LHFPL1: variants seen among roughly 807,000 people sequenced by gnomAD.
LHFPL1 encodes LHFPL tetraspan subfamily member 1 protein.
LHFPL1 carries 4 observed loss-of-function variants against 12.1 expected under a neutral mutation model. The observed-to-expected ratio is 0.33, with a 90% CI of 0.16 to 0.76. The LOEUF is 0.76. Ranked by LOEUF, LHFPL1 falls within the 30% of genes least tolerant of loss-of-function variation. The probability of loss-of-function intolerance (pLI) is 0.61; values close to 1 mark genes in which losing one functional copy is unlikely to be tolerated. For synonymous variants in LHFPL1, 52 were observed against 61.9 expected (o/e 0.84, Z 0.75); for missense variants, 141 against 174.1 (o/e 0.81, Z 1.07).
chrX:112,678,430 G>A (rs771321630), intron 1 of LHFPL1, among the ~76,000 whole-genome samples: 5 of 111,811 alleles, frequency 4.5e-5, no homozygotes, highest in Non-Finnish European at 9.4e-5. Flanking sequence ...ACTCTCAGCT[G>A]GTTAGAAACT....
At chrX:112,639,290 C>A (rs750645268) in intron 3 of LHFPL1, among the ~76,000 whole-genome samples, 2 of 109,753 alleles carry the variant, frequency 1.8e-5, no homozygotes, top group Non-Finnish European at 3.8e-5. Flanking sequence ...ACTGAAGATT[C>A]CAGAAGCCTG....
intron 3 of LHFPL1, among the ~76,000 whole-genome samples, chrX:112,635,298 A>G (rs1930308028): frequency 8.9e-6 from 1 of 112,681 alleles, no homozygotes; most frequent in African/African-American, 3.2e-5. Context: ...TTCTCATAAC[A>G]GCCATGATTA....
chrX:112,669,995 T>C (rs903764545), intron 2 of LHFPL1, among the ~76,000 whole-genome samples: 1 of 111,635 alleles, frequency 9.0e-6, no homozygotes, highest in Non-Finnish European at 1.9e-5. Context: ...AAGTGAAGCA[T>C]AGGAAAAGTC....
chrX:112,660,239 C>T (rs1602684893), intron 3 of LHFPL1, among the ~76,000 whole-genome samples: 1 of 112,136 alleles, frequency 8.9e-6, no homozygotes, highest in East Asian at 2.8e-4. Flanking sequence ...TAAATAACCT[C>T]GTGTTACATC....
rs774097296 is a variant in LHFPL1 at position 112,660,844 on chromosome X, T to C, written c.383-119A>G. The C allele has an allele frequency of 4.8e-5, 24 of 494,925 alleles. No homozygotes were observed. In the South Asian group the frequency reaches 8.8e-4, roughly 18 times the overall value. The allele number at this position is 494,925 out of a possible 1,213,427, so 40.8% of individuals were successfully genotyped here. On this transcript the variant is annotated intron_variant, in intron 2 of 3. Coordinates refer to ENST00000371968, the MANE Select transcript of LHFPL1 (RefSeq NM_178175.4). The stretch of plus-strand genomic sequence containing the variant: ...CTCAACTGAGCTTACACTTCCCCCT[T>C]TACCCTAAATTTCTATGAGAGTACC...
At chrX:112,669,319 A>G (rs931630608) in intron 2 of LHFPL1, among the ~76,000 whole-genome samples, 2 of 112,527 alleles carry the variant, frequency 1.8e-5, no homozygotes, top group Non-Finnish European at 3.7e-5. Context: ...GGTAAGCCTA[A>G]GACCTATTTG....
intron 3 of LHFPL1, among the ~76,000 whole-genome samples, chrX:112,633,769 G>T (rs1001347047): frequency 8.9e-6 from 1 of 112,150 alleles, no homozygotes; most frequent in Non-Finnish European, 1.9e-5. Context: ...TATGAAAATA[G>T]TGCCTCTGAA....
chrX:112,654,544 G>GA (rs1930942300), intron 3 of LHFPL1, among the ~76,000 whole-genome samples: 1 of 109,506 alleles, frequency 9.1e-6, no homozygotes, highest in African/African-American at 3.3e-5. Flanking sequence ...ACAAATATTG[G>GA]AAAAAATATT....
At chrX:112,634,729 G>GT (rs1208583568) in intron 3 of LHFPL1, among the ~76,000 whole-genome samples, 2 of 111,237 alleles carry the variant, frequency 1.8e-5, no homozygotes, top group Non-Finnish European at 3.8e-5. Context: ...TCAGAACCAG[G>GT]TATCACTGAG....
intron 1 of LHFPL1, among the ~76,000 whole-genome samples, chrX:112,672,318 C>A (rs752827609): frequency 1.8e-5 from 2 of 111,837 alleles, no homozygotes; most frequent in Non-Finnish European, 3.8e-5. Context: ...CCTTTTGGAA[C>A]AAGTAATCTT....
chrX:112,671,231 C>G lies in LHFPL1; in HGVS notation c.160G>C (p.Val54Leu). Reference sequence around the variant, plus strand: ...ATCAGACTGTGTCCCTCTCCCCGCACAGGGTAGTTGCACCTCCGGAATGTG... The same window carrying G: ...ATCAGACTGTGTCCCTCTCCCCGCAGAGGGTAGTTGCACCTCCGGAATGTG... ...FSTFRRCNYP[V>L]RGEGHSLIMV... The change falls in exon 2 of 4, where the codon GTG (valine) becomes CTG (leucine). Residue 54 changes from valine (V) to leucine (L), a missense_variant. Coordinates refer to ENST00000371968, the MANE Select transcript of LHFPL1 (RefSeq NM_178175.4). 8.2e-7 allele frequency: 1 copy of G among 1,212,128 alleles called. No homozygotes were observed. The highest frequency in any genetic ancestry group is 2.3e-4 in the Middle Eastern group (1 of 4,354).
At chrX:112,658,859 A>G (rs1294373286) in intron 3 of LHFPL1, among the ~76,000 whole-genome samples, 1 of 112,229 alleles carries the variant, frequency 8.9e-6, no homozygotes, top group African/African-American at 3.2e-5. Context: ...ATAGCCAAAA[A>G]GTAGAAACAA....
At chrX:112,634,215 A>G (rs973994332) in intron 3 of LHFPL1, among the ~76,000 whole-genome samples, 9 of 111,283 alleles carry the variant, frequency 8.1e-5, no homozygotes, top group Admixed American at 4.7e-4. Flanking sequence ...TTTACTCCCA[A>G]TTCAGTGCTC....
intron 1 of LHFPL1, among the ~76,000 whole-genome samples, chrX:112,678,617 C>T (rs541064437): frequency 4.5e-5 from 5 of 111,067 alleles, no homozygotes; most frequent in African/African-American, 1.7e-4. Context: ...ATTGCTTTTC[C>T]AATCACTTCA....
intron 3 of LHFPL1, among the ~76,000 whole-genome samples, chrX:112,643,283 A>G (rs1930577650): frequency 9.5e-6 from 1 of 105,483 alleles, no homozygotes. Context: ...GGAGGCTGAG[A>G]CAGAAGAATT....
intron 1 of LHFPL1, among the ~76,000 whole-genome samples, chrX:112,678,045 G>A (rs890801394): frequency 9.1e-6 from 1 of 110,445 alleles, no homozygotes; most frequent in Non-Finnish European, 1.9e-5. Flanking sequence ...TAAAAGGCAG[G>A]AAGCCAGAGA....
At chrX:112,657,526 G>A (rs1190885356) in intron 3 of LHFPL1, among the ~76,000 whole-genome samples, 2 of 112,100 alleles carry the variant, frequency 1.8e-5, no homozygotes, top group Non-Finnish European at 3.8e-5. Flanking sequence ...TCCGATTTCA[G>A]AACTTGCTAC....
At chrX:112,645,262 A>C (rs1156766068) in intron 3 of LHFPL1, among the ~76,000 whole-genome samples, 1 of 112,468 alleles carries the variant, frequency 8.9e-6, no homozygotes, top group Non-Finnish European at 1.9e-5. Flanking sequence ...GGAGGCTTGC[A>C]CAACTTGTAA....
chrX:112,679,259 G>T (rs1931738191), intron 1 of LHFPL1, among the ~76,000 whole-genome samples: 1 of 111,609 alleles, frequency 9.0e-6, no homozygotes, highest in South Asian at 3.8e-4. Flanking sequence ...AGTATTTCAG[G>T]TTCTTCTGGA....
Sources: allele counts gnomAD v4.1 joint callset (sites outside exome capture counted in the v4.1 genomes callset), GRCh38; gene constraint gnomAD v4.1.1; transcripts MANE v1.5; gene names NCBI Gene and HGNC (gene_info 2026-07-23, HGNC 2026-07-21).